The following NBEA variants were observed in gnomAD, a reference collection of about 807,000 sequenced individuals.
The protein encoded by NBEA is neurobeachin, also known as lysosomal-trafficking regulator 2.
In NBEA, 44 loss-of-function variants were observed where a neutral mutation model predicts 343.4. That is an observed-to-expected ratio of 0.13 (90% CI 0.10 to 0.16). The LOEUF (loss-of-function observed/expected upper bound fraction) is 0.16, where lower values mean the gene tolerates loss of function less well. NBEA is among the 10% of genes least tolerant of loss of function. The pLI is 1.00. For missense variants in NBEA, 2,555 were observed against 3,631.3 expected (o/e 0.70, Z 7.62); for synonymous variants, 1,175 against 1,238.7 (o/e 0.95, Z 1.08).
At chr13:35,442,785 G>GA (rs2045809485) in intron 39 of NBEA, among the ~76,000 whole-genome samples, 2 of 152,056 alleles carry the variant, frequency 1.3e-5, no homozygotes, top group South Asian at 4.1e-4. Context: ...GCATGACTTT[G>GA]AAAATCAGTA....
chr13:35,167,536 G>C (rs1484764906), intron 24 of NBEA, among the ~76,000 whole-genome samples: 2 of 151,738 alleles, frequency 1.3e-5, no homozygotes, highest in Admixed American at 1.3e-4. Flanking sequence ...TTTCAGTTTT[G>C]CCCAGATTAC....
chr13:35,225,529 G>A (rs956259276), intron 33 of NBEA, among the ~76,000 whole-genome samples: 1 of 152,112 alleles, frequency 6.6e-6, no homozygotes, highest in Non-Finnish European at 1.5e-5. Context: ...GAAGTTTTCT[G>A]CAGTCTTCCA....
In NBEA at chr13:35,630,956, C is replaced by G. The variant is rs535159543; in HGVS notation, c.7617+2708C>G. Among the ~76,000 whole-genome samples the G allele has an allele frequency of 2.4e-4, 37 of 152,290 alleles. No individual in the cohort carries two copies. In the South Asian group the frequency reaches 7.0e-3, roughly 29 times the overall value. ...CCTTTCCCACTTCCCACCATTCCCC[C>G]CTCTAACATATTCCCATTGCTGTTA... is the stretch of plus-strand genomic sequence containing the variant. On this transcript the variant is annotated intron_variant, in intron 49 of 58. Transcript: ENST00000379939.
chr13:35,078,553 G>A (rs2064222938), intron 10 of NBEA, among the ~76,000 whole-genome samples: 3 of 152,116 alleles, frequency 2.0e-5, no homozygotes, highest in South Asian at 4.1e-4. Flanking sequence ...GACCAACCAA[G>A]CCCAACTTCA....
At chr13:35,445,746 A>G (rs1361363056) in intron 39 of NBEA, among the ~76,000 whole-genome samples, 2 of 146,166 alleles carry the variant, frequency 1.4e-5, no homozygotes, top group Admixed American at 7.0e-5. Flanking sequence ...TTGAACAATG[A>G]TAAGATATGA....
At chr13:35,067,320 C>A (rs2063690903) in intron 8 of NBEA, among the ~76,000 whole-genome samples, 1 of 151,772 alleles carries the variant, frequency 6.6e-6, no homozygotes, top group Admixed American at 6.6e-5. Context: ...CATCTACCTT[C>A]TTTGTTATGC....
chr13:34,957,253 C>T (rs117681248), intron 1 of NBEA, among the ~76,000 whole-genome samples: 2,774 of 152,174 alleles, frequency 0.018, 40 homozygotes, highest in Middle Eastern at 0.034. Flanking sequence ...TCATAGTATT[C>T]CATTTCCTTC....
intron 38 of NBEA, among the ~76,000 whole-genome samples, chr13:35,379,723 T>G (rs909925084): frequency 2.6e-5 from 4 of 151,698 alleles, no homozygotes; most frequent in African/African-American, 9.7e-5. Context: ...TTTTTTTTTT[T>G]GCATGGATAT....
chr13:35,506,909 A>C (rs952005286), intron 41 of NBEA, among the ~76,000 whole-genome samples: 1 of 152,090 alleles, frequency 6.6e-6, no homozygotes, highest in Non-Finnish European at 1.5e-5. Flanking sequence ...CATCCCTTTT[A>C]ATATCCATCC....
chr13:35,545,768 A>C (rs1486766039), intron 41 of NBEA, among the ~76,000 whole-genome samples: 1 of 152,202 alleles, frequency 6.6e-6, no homozygotes, highest in African/African-American at 2.4e-5. Context: ...GTGTCTTCTC[A>C]GAATGGATCT....
At chr13:35,287,762 A>T (rs1020669511) in intron 34 of NBEA, among the ~76,000 whole-genome samples, 1 of 151,986 alleles carries the variant, frequency 6.6e-6, no homozygotes, top group African/African-American at 2.4e-5. Flanking sequence ...CAGCAAACAG[A>T]ATGGGCTTTG....
intron 52 of NBEA, 65 bp downstream of exon 52, chr13:35,649,912 T>A: frequency 8.4e-7 from 1 of 1,193,378 alleles, no homozygotes; most frequent in Non-Finnish European, 1.1e-6. Context: ...AGTAAAAAAG[T>A]GTACTGGGAC....
chr13:35,373,790 A>G (rs1163007363), intron 38 of NBEA, among the ~76,000 whole-genome samples: 1 of 152,076 alleles, frequency 6.6e-6, no homozygotes, highest in Non-Finnish European at 1.5e-5. Context: ...GGATCATCAT[A>G]AAGGTCTTAA....
intron 10 of NBEA, among the ~76,000 whole-genome samples, chr13:35,078,114 A>G (rs951147737): frequency 6.6e-6 from 1 of 152,198 alleles, no homozygotes; most frequent in Non-Finnish European, 1.5e-5. Flanking sequence ...TTTCAGCTTC[A>G]GAATAGAGAT....
Position 35,525,983 on chromosome 13 carries a change from G to A in NBEA, c.6586-24494G>A, listed in dbSNP as rs764742805. Among the ~76,000 whole-genome samples the A allele has an allele frequency of 5.8e-4, 89 of 152,214 alleles. 1 individual carries two copies. The highest frequency in any genetic ancestry group is 1.0e-3 in the Non-Finnish European group (69 of 68,010). ...AGGGAAGGGAGAGACACGAACGTTC[G>A]GACCATAGCACTTGGATTCCAGTCT... is the stretch of plus-strand genomic sequence containing the variant. On this transcript the variant is annotated intron_variant, in intron 41 of 58. Transcript: ENST00000379939.
intron 39 of NBEA, among the ~76,000 whole-genome samples, chr13:35,434,512 G>C (rs1363809583): frequency 6.6e-6 from 1 of 152,054 alleles, no homozygotes; most frequent in Non-Finnish European, 1.5e-5. Context: ...AAATATTCAG[G>C]GAATCGACAT....
chr13:35,653,732 T>C (rs1197668662), intron 53 of NBEA, among the ~76,000 whole-genome samples: 3 of 152,198 alleles, frequency 2.0e-5, no homozygotes, highest in Admixed American at 6.5e-5. Flanking sequence ...CAAAATACCA[T>C]TTACATGTCT....
At chr13:35,310,849 A>G (rs550897828) in intron 36 of NBEA, among the ~76,000 whole-genome samples, 45 of 152,210 alleles carry the variant, frequency 3.0e-4, no homozygotes, top group Admixed American at 5.2e-4. Context: ...GGGAGTCATG[A>G]AAGAATAGTC....
intron 35 of NBEA, among the ~76,000 whole-genome samples, chr13:35,291,808 G>T (rs1259210318): frequency 6.6e-6 from 1 of 151,788 alleles, no homozygotes; most frequent in Admixed American, 6.6e-5. Flanking sequence ...GCCATTAAGG[G>T]CCCTAGAGAT....
Sources: allele counts gnomAD v4.1 joint callset (sites outside exome capture counted in the v4.1 genomes callset), GRCh38; gene constraint gnomAD v4.1.1; transcripts MANE v1.5; gene names NCBI Gene and HGNC (gene_info 2026-07-23, HGNC 2026-07-21).